KPNA6: variants seen among roughly 807,000 people sequenced by gnomAD.
KPNA6 encodes the protein karyopherin subunit alpha 6.
In KPNA6, 9 loss-of-function variants were observed where a neutral mutation model predicts 72.0. The ratio of observed to expected loss-of-function variants is 0.13; its 90% CI spans 0.08 to 0.22. KPNA6 has a LOEUF of 0.22. Ranked by LOEUF, KPNA6 falls within the 10% of genes least tolerant of loss-of-function variation. The pLI is 1.00. For synonymous variants in KPNA6, 219 were observed against 242.1 expected (o/e 0.90, Z 0.89); for missense variants, 374 against 655.7 (o/e 0.57, Z 4.69).
intron 11 of KPNA6, 123 bp from the exon 12 acceptor site, chr1:32,167,046 G>A (rs1642352779): frequency 7.8e-7 from 1 of 1,281,584 alleles, no homozygotes; most frequent in African/African-American, 1.5e-5. Context: ...TATATAGGAA[G>A]AACAAAAGAA....
chr1:32,160,501 TG>T, intron 6 of KPNA6, 113 bp from the exon 7 acceptor site: 3 of 757,532 alleles, frequency 4.0e-6, no homozygotes, highest in Non-Finnish European at 2.4e-6. Flanking sequence ...GTAGTATATT[TG>T]GGGCCTTGAC....
rs1642436285 is a variant in KPNA6 at position 32,171,493 on chromosome 1, T to C, written c.*599T>C. The C allele has an allele frequency of 6.6e-6, 1 of 152,216 alleles. No homozygotes were observed. The highest frequency in any genetic ancestry group is 2.4e-5 in the African/African-American group (1 of 41,458). 9.4% of individuals were successfully genotyped at this position (152,216 alleles called of 1,614,324 possible). ...CACATTTTTCTTGTATTAAGATTGC[T>C]CTTCCCAAGAGCCACAAGTTCCTGG... On this transcript the variant is annotated 3_prime_UTR_variant, in exon 14 of 14. Transcript: ENST00000373625.
rs368801372 is a variant in KPNA6 at position 32,156,959 on chromosome 1, A to C, written c.231+14A>C. The C allele has an allele frequency of 5.0e-6, 8 of 1,597,532 alleles. No individual in the cohort carries two copies. The African/African-American group carries it at 1.1e-4, about 21-fold the overall frequency. On this transcript the variant is annotated intron_variant, in intron 3 of 13. Transcript: ENST00000373625. ...TCTACCACTGGGGTAAGGCCCCTGC[A>C]TGTGCCTCAGGCTGACCTGGAAAAC...
In KPNA6 at chr1:32,148,230, C is replaced by A. The variant is rs369493758; in HGVS notation, c.5-6358C>A. On this transcript the variant is annotated intron_variant, in intron 1 of 13. Transcript: ENST00000373625. ...AGTGATTCTCCTGTCTTAGCCCCCC[C>A]ACTTGCTGGGATTACAAGTGCGTTC... is the stretch of plus-strand genomic sequence containing the variant. 3.3e-5 allele frequency among the ~76,000 whole-genome samples: 5 copies of A among 152,144 alleles called. No homozygotes were observed. In the South Asian group the frequency reaches 8.3e-4, roughly 25 times the overall value.
At chr1:32,125,312 A>G (rs1269000169) in intron 1 of KPNA6, among the ~76,000 whole-genome samples, 1 of 152,264 alleles carries the variant, frequency 6.6e-6, no homozygotes, top group Non-Finnish European at 1.5e-5. Flanking sequence ...AAGTAAAACA[A>G]TTTGAAACAA....
At chr1:32,149,653 A>G (rs1641993902) in intron 1 of KPNA6, among the ~76,000 whole-genome samples, 1 of 152,154 alleles carries the variant, frequency 6.6e-6, no homozygotes, top group Admixed American at 6.5e-5. Flanking sequence ...TATCTGCCAT[A>G]TCTAGTGTTT....
intron 1 of KPNA6, among the ~76,000 whole-genome samples, chr1:32,129,273 C>T (rs546248949): frequency 6.6e-6 from 1 of 151,676 alleles, no homozygotes; most frequent in Admixed American, 6.6e-5. Context: ...CTCAAGCCAT[C>T]TTCCCACCTC....
intron 1 of KPNA6, among the ~76,000 whole-genome samples, chr1:32,147,421 G>A (rs923286752): frequency 6.6e-6 from 1 of 151,812 alleles, no homozygotes; most frequent in African/African-American, 2.4e-5. Flanking sequence ...AGGTGTCCCA[G>A]GTAGCTGGGA....
chr1:32,119,618 G>A (rs1243633424), intron 1 of KPNA6, among the ~76,000 whole-genome samples: 2 of 152,132 alleles, frequency 1.3e-5, no homozygotes, highest in African/African-American at 2.4e-5. Flanking sequence ...TTAGATGAAC[G>A]GGACAACCCT....
At chr1:32,118,995 TAC>T (rs1243591083) in intron 1 of KPNA6, among the ~76,000 whole-genome samples, 108 of 85,146 alleles carry the variant, frequency 1.3e-3, no homozygotes, top group African/African-American at 5.0e-3. Context: ...TGTGTGTGTA[TAC>T]ATATATATAT....
intron 1 of KPNA6, among the ~76,000 whole-genome samples, chr1:32,148,006 T>C (rs1178323681): frequency 1.3e-5 from 2 of 152,176 alleles, no homozygotes; most frequent in African/African-American, 4.8e-5. Context: ...CTGTTGATCT[T>C]ATTGGGCATC....
intron 10 of KPNA6, 108 bp from the exon 11 acceptor site, chr1:32,165,997 C>CAA (rs368832720): frequency 1.1e-3 from 1,113 of 994,236 alleles, no homozygotes; most frequent in Non-Finnish European, 1.2e-3. Flanking sequence ...GACTCTGTCT[C>CAA]AAAAAAAAAA....
rs1457214865 is a variant in KPNA6, at chr1:32,157,409, G to A, written c.295G>A (p.Ala99Thr). The change falls in exon 4 of 14, where the codon GCA becomes ACA. Residue 99 changes from alanine (A) to threonine (T), a missense_variant. Physicochemically the swap from Ala to Thr is moderately conservative, Grantham distance 58. Around this residue, in one of 3 missense-constraint regions of KPNA6, gnomAD observed 298 missense variants for 495.4 expected, o/e 0.60. Coordinates refer to ENST00000373625, the MANE Select transcript of KPNA6 (RefSeq NM_012316.5). Reference sequence around the variant, plus strand: ...TTCTGATGATTCTGACCTGCAGTTAGCAACCACACAGAAATTCCGGAAACT... The same window carrying A: ...TTCTGATGATTCTGACCTGCAGTTAACAACCACACAGAAATTCCGGAAACT... ...LFSDDSDLQL[A>T]TTQKFRKLLS... The A allele has an allele frequency of 5.6e-6, 9 of 1,614,034 alleles. No homozygotes were observed. The highest frequency in any genetic ancestry group is 6.8e-6 in the Non-Finnish European group (8 of 1,179,922).
At position 32,176,195 on chromosome 1, in the gene KPNA6, G is replaced by A. The variant is rs1030001592; in HGVS notation, c.*5301G>A. 4.6e-5 allele frequency: 7 copies of A among 151,990 alleles called. No individual in the cohort carries two copies. Among genetic ancestry groups the A allele is most frequent in the African/African-American group, 1.7e-4 (7 of 41,380 alleles). The allele number at this position is 151,990 out of a possible 1,614,324, so 9.4% of individuals were successfully genotyped here. A position where few individuals can be genotyped will look rare whatever the true frequency, so the allele number is the denominator to read the frequency against. ...TGGGAATTGCCTTTGACCTATTAAAGAAGGAAAGTGGGTAATGGAGTCCCA... is the reference window on the plus strand; with the variant it reads ...TGGGAATTGCCTTTGACCTATTAAAAAAGGAAAGTGGGTAATGGAGTCCCA... On this transcript the variant is annotated 3_prime_UTR_variant, in exon 14 of 14. Transcript: ENST00000373625.
At chr1:32,115,040 G>A (rs189095766) in intron 1 of KPNA6, among the ~76,000 whole-genome samples, 9 of 152,152 alleles carry the variant, frequency 5.9e-5, no homozygotes, top group African/African-American at 1.4e-4. Flanking sequence ...GTGTTTCGCC[G>A]TGTTGGCCAG....
chr1:32,155,703 A>ATTATTTATTTAT (rs150358147), intron 2 of KPNA6, among the ~76,000 whole-genome samples: 9 of 146,118 alleles, frequency 6.2e-5, no homozygotes, highest in Non-Finnish European at 9.0e-5. Flanking sequence ...CCTGATTATT[A>ATTATTTATTTAT]TTATTTATTT....
chr1:32,152,405 A>G (rs1309600259), intron 1 of KPNA6, among the ~76,000 whole-genome samples: 5 of 152,254 alleles, frequency 3.3e-5, no homozygotes, highest in African/African-American at 1.2e-4. Context: ...GCCATGCACA[A>G]TAATTTAAGA....
chr1:32,147,350 G>T (rs959167678), intron 1 of KPNA6, among the ~76,000 whole-genome samples: 1 of 152,134 alleles, frequency 6.6e-6, no homozygotes, highest in Non-Finnish European at 1.5e-5. Flanking sequence ...CTGGAGTGAC[G>T]GTGCAATCAC....
intron 1 of KPNA6, among the ~76,000 whole-genome samples, chr1:32,117,236 G>A (rs538910346): frequency 6.6e-6 from 1 of 150,604 alleles, no homozygotes; most frequent in Non-Finnish European, 1.5e-5. Context: ...GCAGTGGCAC[G>A]ATCTTGGCTC....
Sources: gnomAD v4.1 joint callset for allele counts (sites outside exome capture counted in the v4.1 genomes callset) on GRCh38, gnomAD v4.1.1 for gene constraint, gnomAD v4.1.1 regional missense constraint, MANE v1.5 for transcripts, NCBI Gene and HGNC (gene_info 2026-07-23, HGNC 2026-07-21) for gene names.